INPP4B: variants seen among roughly 807,000 people sequenced by gnomAD.
The protein encoded by INPP4B is inositol polyphosphate 4-phosphatase type II.
Under a neutral mutation model 122.5 loss-of-function variants are expected in INPP4B, and 55 were observed. That is an observed-to-expected ratio of 0.45 (90% confidence interval 0.36 to 0.56). The LOEUF (loss-of-function observed/expected upper bound fraction) is 0.56, where lower values mean the gene tolerates loss of function less well. INPP4B is among the 20% of genes least tolerant of loss of function. INPP4B has a pLI of 0.00. For missense variants in INPP4B, 1,000 were observed against 1,097.7 expected (o/e 0.91, Z 1.26); for synonymous variants, 403 against 388.7 (o/e 1.04, Z -0.43).
At chr4:142,273,457 T>C (rs1425244055) in intron 9 of INPP4B, among the ~76,000 whole-genome samples, 2 of 151,900 alleles carry the variant, frequency 1.3e-5, no homozygotes, top group Non-Finnish European at 2.9e-5. Context: ...TAAGAGGATG[T>C]TATGATGTTT....
At chr4:142,256,689 G>C (rs896195495) in intron 11 of INPP4B, among the ~76,000 whole-genome samples, 1 of 152,252 alleles carries the variant, frequency 6.6e-6, no homozygotes, top group Admixed American at 6.5e-5. Flanking sequence ...CCAATAACAG[G>C]CTCTGAAATT....
At chr4:142,360,465 C>G (rs1028604934) in intron 7 of INPP4B, among the ~76,000 whole-genome samples, 1 of 151,942 alleles carries the variant, frequency 6.6e-6, no homozygotes, top group Admixed American at 6.6e-5. Context: ...CAGTTGAGAC[C>G]TGGGAAATTC....
intron 2 of INPP4B, among the ~76,000 whole-genome samples, chr4:142,659,999 G>T (rs893777622): frequency 1.3e-5 from 2 of 149,574 alleles, no homozygotes; most frequent in African/African-American, 4.9e-5. Context: ...GAGGTTAAAA[G>T]GCACCGAGCA....
intron 2 of INPP4B, among the ~76,000 whole-genome samples, chr4:142,472,443 G>C (rs1819016797): frequency 6.6e-6 from 1 of 152,108 alleles, no homozygotes; most frequent in African/African-American, 2.4e-5. Context: ...ACTATCTCTG[G>C]AAGAAAAGCA....
chr4:142,429,899 C>T (rs1013767725), intron 4 of INPP4B, among the ~76,000 whole-genome samples: 2 of 151,982 alleles, frequency 1.3e-5, no homozygotes, highest in African/African-American at 4.8e-5. Context: ...TGGGTAGATG[C>T]CTAAAATCCA....
rs1439440172 is a variant in INPP4B, at chr4:142,686,800, A to G, written c.-191+39039T>C. Among the ~76,000 whole-genome samples, 4 of 152,190 alleles carry G rather than the reference A, an allele frequency of 2.6e-5. No homozygotes were observed. In the South Asian group the frequency reaches 8.3e-4, roughly 32 times the overall value. On this transcript the variant is annotated intron_variant, in intron 2 of 25. Coordinates refer to ENST00000262992, the MANE Select transcript of INPP4B (RefSeq NM_001101669.3). Reference sequence around the variant, plus strand: ...AAAAAACCAACCTTTGTTAAGAGAAAATGACCCCTACAGAGATGATTCTGT... The same window carrying G: ...AAAAAACCAACCTTTGTTAAGAGAAGATGACCCCTACAGAGATGATTCTGT...
chr4:142,029,528 AAGAAT>A (rs1300521660), intron 25 of INPP4B: 2 of 985,538 alleles, frequency 2.0e-6, no homozygotes, highest in Non-Finnish European at 2.4e-6. Flanking sequence ...CCTTGTTAAA[AAGAAT>A]AGAAAAGTCC....
chr4:142,105,065 C>A (rs1436399426), intron 23 of INPP4B, among the ~76,000 whole-genome samples: 1 of 152,086 alleles, frequency 6.6e-6, no homozygotes, highest in African/African-American at 2.4e-5. Flanking sequence ...TATGTGGCCT[C>A]TTTCTCTGTA....
intron 25 of INPP4B, among the ~76,000 whole-genome samples, chr4:142,052,804 GC>G (rs1251359430): frequency 6.6e-6 from 1 of 151,974 alleles, no homozygotes; most frequent in African/African-American, 2.4e-5. Context: ...GGGACAATTG[GC>G]CTAGGTACTC....
chr4:142,116,771 C>G (rs1793730992), intron 21 of INPP4B, among the ~76,000 whole-genome samples: 1 of 152,018 alleles, frequency 6.6e-6, no homozygotes, highest in African/African-American at 2.4e-5. Context: ...CAAGAGCAAA[C>G]ACATTCAAAA....
chr4:142,436,145 C>T (rs946650217), intron 3 of INPP4B, among the ~76,000 whole-genome samples: 3 of 152,144 alleles, frequency 2.0e-5, no homozygotes, highest in African/African-American at 7.2e-5. Context: ...CAGACTACGG[C>T]CAGATTGCCT....
At chr4:142,671,447 T>G (rs1376506752) in intron 2 of INPP4B, among the ~76,000 whole-genome samples, 1 of 152,170 alleles carries the variant, frequency 6.6e-6, no homozygotes, top group African/African-American at 2.4e-5. Context: ...TCCAATATTT[T>G]GCTCTTACAA....
chr4:142,568,615 T>A (rs1651352516), intron 2 of INPP4B, among the ~76,000 whole-genome samples: 1 of 152,128 alleles, frequency 6.6e-6, no homozygotes, highest in South Asian at 2.1e-4. Flanking sequence ...AAATTAGAAC[T>A]GTGACAAGTC....
intron 5 of INPP4B, among the ~76,000 whole-genome samples, chr4:142,415,429 G>A (rs1172613903): frequency 1.3e-5 from 2 of 152,054 alleles, no homozygotes; most frequent in Admixed American, 1.3e-4. Flanking sequence ...GGCCATCAGA[G>A]AAATGCAAAT....
chr4:142,732,331 T>A (rs568630858), intron 1 of INPP4B, among the ~76,000 whole-genome samples: 1 of 152,006 alleles, frequency 6.6e-6, no homozygotes, highest in Non-Finnish European at 1.5e-5. Flanking sequence ...AATATTATTA[T>A]TCAATTAATA....
intron 2 of INPP4B, among the ~76,000 whole-genome samples, chr4:142,496,518 T>A (rs1822587572): frequency 6.6e-6 from 1 of 152,186 alleles, no homozygotes; most frequent in South Asian, 2.1e-4. Flanking sequence ...TGGTAGTTTT[T>A]ATTTACATTT....
In INPP4B at chr4:142,173,806, G is replaced by A. The variant is rs779221700; in HGVS notation, c.1185C>T (p.Thr395=). 8.7e-5 allele frequency: 141 copies of A among 1,611,540 alleles called. No homozygotes were observed. In the Middle Eastern group the frequency reaches 1.2e-3, roughly 13 times the overall value. The change falls in exon 16 of 26, where the codon ACC becomes ACT. Residue 395 remains threonine (T), a synonymous_variant. Transcript: ENST00000262992. ...GTGAATAGTAAATAAACTGGTATCC[G>A]GTACTGCAACAACAAAGATAAAAAT... The part of the protein sequence containing the change: ...LHRFETERRN[T]GYQFIYYSPE...
At chr4:142,217,212 T>C (rs972478558) in intron 12 of INPP4B, among the ~76,000 whole-genome samples, 1 of 152,204 alleles carries the variant, frequency 6.6e-6, no homozygotes, top group African/African-American at 2.4e-5. Flanking sequence ...ATTGTAGCTC[T>C]ATTTAAAGCT....
At chr4:142,061,823 CATAT>C (rs143762690) in intron 25 of INPP4B, among the ~76,000 whole-genome samples, 1 of 144,322 alleles carries the variant, frequency 6.9e-6, no homozygotes, top group South Asian at 2.2e-4. Context: ...TATAAAATGT[CATAT>C]ATAAATGCAT....
Sources: allele counts gnomAD v4.1 joint callset (sites outside exome capture counted in the v4.1 genomes callset), GRCh38; gene constraint gnomAD v4.1.1; transcripts MANE v1.5; gene names NCBI Gene and HGNC (gene_info 2026-07-23, HGNC 2026-07-21).